Variants in DNAH14 observed in about 807,000 individuals in gnomAD.
DNAH14 encodes axonemal beta dynein heavy chain 14.
In DNAH14, 478 loss-of-function variants were observed where a neutral mutation model predicts 520.9. That is an observed-to-expected ratio of 0.92 (90% CI 0.85 to 0.99). The LOEUF (loss-of-function observed/expected upper bound fraction) is 0.99. Ranked by LOEUF, DNAH14 falls within the 50% of genes least tolerant of loss-of-function variation. The pLI, the probability that DNAH14 is intolerant of heterozygous loss-of-function variation, is 0.00. For missense variants in DNAH14, 4,831 were observed against 5,234.5 expected (o/e 0.92, Z 2.38); for synonymous variants, 1,581 against 1,757.2 (o/e 0.90, Z 2.51).
At chr1:225,311,215 T>C (rs1050911784) in intron 60 of DNAH14, among the ~76,000 whole-genome samples, 1 of 152,250 alleles carries the variant, frequency 6.6e-6, no homozygotes, top group Admixed American at 6.5e-5. Context: ...TAAGCTTTTT[T>C]TTCATATGTT....
In DNAH14 at chr1:225,266,516, A is replaced by T. The variant is rs954077902; in HGVS notation, c.7411-125A>T. ...GAAATCAGACATGTTATTACATATG[A>T]TTTTGTGCTTACTCCATAGCATAAT... is the stretch of plus-strand genomic sequence containing the variant. On this transcript the variant is annotated intron_variant, in intron 48 of 85. Transcript: ENST00000682510. 1.9e-5 allele frequency: 11 copies of T among 580,382 alleles called. No homozygotes were observed. The East Asian group carries it at 3.9e-4, about 21-fold the overall frequency. 36.0% of individuals were successfully genotyped at this position (580,382 alleles called of 1,614,324 possible). A position where few individuals can be genotyped will look rare whatever the true frequency, so the allele number is the denominator to read the frequency against.
At position 225,273,116 on chromosome 1, in the gene DNAH14, C is replaced by A. The variant is rs1377342105; in HGVS notation, c.8001C>A (p.Asn2667Lys). The A allele has an allele frequency of 6.5e-7, 1 of 1,549,024 alleles. No individual in the cohort carries two copies. Among genetic ancestry groups the A allele is most frequent in the Admixed American group, 2.0e-5 (1 of 50,232 alleles). The change falls in exon 52 of 86, where the codon AAC becomes AAA. Residue 2667 changes from asparagine to lysine, a missense_variant. Transcript: ENST00000682510. Reference sequence around the variant, plus strand: ...GGTTGCTTTCAAGGGAACTTGAGAACTGTTTTCAGGTAAATTTATATTTTA... The same window carrying A: ...GGTTGCTTTCAAGGGAACTTGAGAAATGTTTTCAGGTAAATTTATATTTTA... Reference protein sequence around the residue: ...FYRLLSRELENCFQIQWTQEN... With the variant: ...FYRLLSRELEKCFQIQWTQEN...
At chr1:224,995,850 T>A (rs892109203) in intron 8 of DNAH14, among the ~76,000 whole-genome samples, 5 of 152,124 alleles carry the variant, frequency 3.3e-5, no homozygotes, top group Non-Finnish European at 4.4e-5. Context: ...CATTATTTAG[T>A]TCAGTCATTG....
chr1:225,383,821 T>C (rs926480155), intron 81 of DNAH14, among the ~76,000 whole-genome samples: 8 of 152,246 alleles, frequency 5.3e-5, no homozygotes, highest in Non-Finnish European at 1.0e-4. Context: ...GTTCTTTTAA[T>C]TGTAATATTA....
intron 35 of DNAH14, among the ~76,000 whole-genome samples, chr1:225,162,433 G>T (rs1157450943): frequency 6.6e-6 from 1 of 152,128 alleles, no homozygotes; most frequent in Non-Finnish European, 1.5e-5. Context: ...TATTTGGGTT[G>T]CTATAGCTCT....
chr1:225,168,402 C>T (rs1040012873), intron 36 of DNAH14, among the ~76,000 whole-genome samples: 4 of 152,170 alleles, frequency 2.6e-5, no homozygotes, highest in Non-Finnish European at 5.9e-5. Flanking sequence ...CTTTCCTAGC[C>T]AAGGAAAGGG....
intron 38 of DNAH14, among the ~76,000 whole-genome samples, chr1:225,202,545 C>G (rs1258529802): frequency 2.0e-5 from 3 of 152,140 alleles, no homozygotes; most frequent in Admixed American, 2.0e-4. Context: ...CACTGTGTCC[C>G]CGCAATAGCA....
chr1:225,128,147 T>G (rs893301930), intron 27 of DNAH14, among the ~76,000 whole-genome samples: 1 of 152,184 alleles, frequency 6.6e-6, no homozygotes, highest in Non-Finnish European at 1.5e-5. Context: ...TAACATTTTT[T>G]CCTTCATTTC....
At chr1:225,118,087 T>C (rs1255043503) in intron 25 of DNAH14, 88 bp downstream of exon 25, 5 of 1,005,994 alleles carry the variant, frequency 5.0e-6, no homozygotes, top group Non-Finnish European at 7.7e-6. Context: ...ATTATAAAAG[T>C]GCGCTAAGCA....
chr1:224,950,803 G>T (rs572329645), intron 1 of DNAH14, among the ~76,000 whole-genome samples: 45 of 152,136 alleles, frequency 3.0e-4, no homozygotes, highest in Non-Finnish European at 5.3e-4. Flanking sequence ...CACTAACTTC[G>T]AATCCCAGTT....
At chr1:225,211,045 G>A (rs1411176249) in intron 41 of DNAH14, among the ~76,000 whole-genome samples, 1 of 152,212 alleles carries the variant, frequency 6.6e-6, no homozygotes, top group Non-Finnish European at 1.5e-5. Context: ...TGAAGATGAG[G>A]AAAAACCAGC....
intron 54 of DNAH14, among the ~76,000 whole-genome samples, chr1:225,280,932 C>T (rs2093615387): frequency 6.6e-6 from 1 of 152,110 alleles, no homozygotes; most frequent in Non-Finnish European, 1.5e-5. Context: ...AGATAAACAG[C>T]TCTGATAATT....
chr1:225,076,841 A>G (rs2072339804), intron 17 of DNAH14, among the ~76,000 whole-genome samples: 1 of 151,936 alleles, frequency 6.6e-6, no homozygotes, highest in Non-Finnish European at 1.5e-5. Flanking sequence ...CATGTGCACA[A>G]TGTGCAGGTT....
At chr1:224,965,126 G>GT (rs2061081611) in intron 5 of DNAH14, among the ~76,000 whole-genome samples, 1 of 152,058 alleles carries the variant, frequency 6.6e-6, no homozygotes, top group African/African-American at 2.4e-5. Context: ...TGACCAGAGG[G>GT]TGAAAGCTAT....
intron 8 of DNAH14, among the ~76,000 whole-genome samples, chr1:224,991,147 T>C (rs936123608): frequency 2.9e-4 from 40 of 139,348 alleles, no homozygotes; most frequent in African/African-American, 9.5e-4. Flanking sequence ...CAGGCTGGAA[T>C]GCAGTGGTGC....
At chr1:225,040,029 C>G (rs2067327982) in intron 12 of DNAH14, among the ~76,000 whole-genome samples, 1 of 146,848 alleles carries the variant, frequency 6.8e-6, no homozygotes, top group Non-Finnish European at 1.5e-5. Context: ...GCTCCGCCTC[C>G]TGGGTTCACG....
chr1:225,225,140 CAG>C (rs1189545457), intron 41 of DNAH14, among the ~76,000 whole-genome samples: 3 of 152,160 alleles, frequency 2.0e-5, no homozygotes, highest in Non-Finnish European at 2.9e-5. Flanking sequence ...TCAACTTACC[CAG>C]AGACTAGCTA....
chr1:225,145,979 C>T (rs1292505327), intron 30 of DNAH14, among the ~76,000 whole-genome samples: 1 of 152,154 alleles, frequency 6.6e-6, no homozygotes, highest in Non-Finnish European at 1.5e-5. Context: ...GTGTTCAAAG[C>T]ATATTACCTC....
At chr1:225,298,572 T>A (rs1238272534) in intron 55 of DNAH14, among the ~76,000 whole-genome samples, 1 of 152,154 alleles carries the variant, frequency 6.6e-6, no homozygotes, top group East Asian at 1.9e-4. Context: ...TAGACACCCA[T>A]GTGGACTTGG....
Sources: allele counts gnomAD v4.1 joint callset (sites outside exome capture counted in the v4.1 genomes callset), GRCh38; gene constraint gnomAD v4.1.1; transcripts MANE v1.5; gene names NCBI Gene and HGNC (gene_info 2026-07-23, HGNC 2026-07-21).